The following MCM9 variants were observed in gnomAD, a reference collection of about 807,000 sequenced individuals.
MCM9 encodes the protein minichromosome maintenance 9 homologous recombination repair factor, also known as DNA helicase MCM9.
In MCM9, 55 loss-of-function variants were observed where a neutral mutation model predicts 72.8. The ratio of observed to expected loss-of-function variants is 0.76; its 90% CI spans 0.61 to 0.95. MCM9 has a LOEUF of 0.95. Ranked by LOEUF, MCM9 falls within the 40% of genes least tolerant of loss-of-function variation. MCM9 has a pLI of 0.00. For missense variants in MCM9, 1,279 were observed against 1,377.0 expected, an observed-to-expected ratio of 0.93 and a Z score of 1.13; for synonymous variants, 480 against 503.4, an observed-to-expected ratio of 0.95 and a Z score of 0.62.
intron 8 of MCM9, among the ~76,000 whole-genome samples, chr6:118,871,426 A>G (rs1413996508): frequency 6.6e-6 from 1 of 152,262 alleles, no homozygotes; most frequent in Non-Finnish European, 1.5e-5. Flanking sequence ...AAAAGTAAAC[A>G]TCCTTTCAGG....
At chr6:118,898,425 A>AT (rs34394511) in intron 8 of MCM9, among the ~76,000 whole-genome samples, 3,197 of 140,522 alleles carry the variant, frequency 0.023, 47 homozygotes, top group African/African-American at 0.039. Flanking sequence ...TTATGTAATA[A>AT]TTTTTTTTTT....
At chr6:118,844,025 A>G (rs910531368) in intron 9 of MCM9, among the ~76,000 whole-genome samples, 12 of 151,506 alleles carry the variant, frequency 7.9e-5, no homozygotes, top group Admixed American at 5.3e-4. Flanking sequence ...AAGGATTCCT[A>G]TTGTAGGTGG....
chr6:118,825,269 G>A lies in MCM9; in HGVS notation c.1961+878C>T, dbSNP rs79390119. Among the ~76,000 whole-genome samples, 659 of 152,264 alleles carry A rather than the reference G, an allele frequency of 4.3e-3. 12 individuals are homozygous for A. In the East Asian group the frequency reaches 0.048, roughly 11 times the overall value. On this transcript the variant is annotated intron_variant, in intron 13 of 13. Transcript: ENST00000619706. The stretch of plus-strand genomic sequence containing the variant: ...CCAGGAGACCAAAAGAAAGAGGGGC[G>A]AATTTTATACAAAGTGCAAGTTTAC...
chr6:118,860,350 T>C (rs1426266851), intron 8 of MCM9, among the ~76,000 whole-genome samples: 1 of 152,154 alleles, frequency 6.6e-6, no homozygotes, highest in African/African-American at 2.4e-5. Context: ...AGAATGCCTT[T>C]AATGGGTTTA....
chr6:118,930,249 T>A (rs1200853916), intron 3 of MCM9, among the ~76,000 whole-genome samples: 1 of 152,148 alleles, frequency 6.6e-6, no homozygotes, highest in Admixed American at 6.5e-5. Context: ...TAGCTGGGAC[T>A]ACAGGCGCCC....
intron 6 of MCM9, among the ~76,000 whole-genome samples, chr6:118,916,674 G>T (rs996978988): frequency 1.4e-4 from 22 of 151,936 alleles, no homozygotes; most frequent in Admixed American, 1.3e-3. Context: ...GCTAATTTTT[G>T]TATTTTTAAT....
chr6:118,839,996 T>C (rs1226619878), intron 9 of MCM9, among the ~76,000 whole-genome samples: 1 of 152,092 alleles, frequency 6.6e-6, no homozygotes, highest in Non-Finnish European at 1.5e-5. Context: ...GCAGGAAAGT[T>C]TAAGCCTGCT....
chr6:118,816,252 C>T lies in MCM9; in HGVS notation c.2004G>A (p.Leu668=), dbSNP rs1054026612. The change falls in exon 14 of 14, where the codon TTG becomes TTA. Residue 668 remains leucine, a synonymous_variant. Transcript: ENST00000619706. ...QSVHQSQPRV[L]EVETTPGSLR... ...AGGATCCTGGAGTAGTCTCTACCTCCAATACCCGTGGTTGGGATTGGTGCA... is the reference window on the plus strand; with the variant it reads ...AGGATCCTGGAGTAGTCTCTACCTCTAATACCCGTGGTTGGGATTGGTGCA... The T allele has an allele frequency of 3.2e-6, 5 of 1,549,194 alleles. No individual in the cohort carries two copies. In the Admixed American group the frequency reaches 5.9e-5, roughly 18 times the overall value.
At chr6:118,817,302 C>A (rs748190787) in intron 13 of MCM9, among the ~76,000 whole-genome samples, 63 of 152,016 alleles carry the variant, frequency 4.1e-4, no homozygotes, top group Admixed American at 1.1e-3. Flanking sequence ...CCCCACCCCC[C>A]AAAAGGCCCC....
At chr6:118,894,400 G>GT (rs769955492) in intron 8 of MCM9, 31 of 1,536,790 alleles carry the variant, frequency 2.0e-5, no homozygotes, top group Admixed American at 2.0e-5. Flanking sequence ...CATTGTTTGT[G>GT]TTTTTTTCAA....
chr6:118,872,664 T>TAA (rs201482514), intron 8 of MCM9, among the ~76,000 whole-genome samples: 35 of 149,942 alleles, frequency 2.3e-4, no homozygotes, highest in African/African-American at 8.1e-4. Flanking sequence ...TTTAAAAACC[T>TAA]AAAAAAAAAC....
At chr6:118,907,462 G>T (rs184693166) in intron 8 of MCM9, 1 of 1,612,814 alleles carries the variant, frequency 6.2e-7, no homozygotes, top group Admixed American at 1.7e-5. Context: ...TAATTGGGAA[G>T]ATAACACAGA....
intron 8 of MCM9, among the ~76,000 whole-genome samples, chr6:118,875,034 A>G (rs998716129): frequency 2.6e-5 from 4 of 152,076 alleles, no homozygotes; most frequent in African/African-American, 9.7e-5. Flanking sequence ...AATCGCTTGA[A>G]CCCAGGAGGC....
intron 8 of MCM9, among the ~76,000 whole-genome samples, chr6:118,893,490 C>T (rs1473438293): frequency 1.3e-5 from 2 of 152,084 alleles, no homozygotes; most frequent in African/African-American, 2.4e-5. Context: ...CCGAAGAAGA[C>T]GCCCAGGTGC....
In MCM9 at chr6:118,813,822, A is replaced by G. The variant is rs992519328; in HGVS notation, c.*1002T>C. The G allele has an allele frequency of 2.0e-5, 3 of 152,224 alleles. No homozygotes were observed. Among genetic ancestry groups the G allele is most frequent in the Non-Finnish European group, 2.9e-5 (2 of 68,036 alleles). The allele number at this position is 152,224 out of a possible 1,614,324, so 9.4% of individuals were successfully genotyped here. On this transcript the variant is annotated 3_prime_UTR_variant, in exon 14 of 14. Transcript: ENST00000619706. Reference sequence around the variant, plus strand: ...AGTGAATCACAACTTAGTAGGAATCACATTTCCATATTAACCAGCTGGGTA... The same window carrying G: ...AGTGAATCACAACTTAGTAGGAATCGCATTTCCATATTAACCAGCTGGGTA...
intron 8 of MCM9, chr6:118,907,331 A>G: frequency 1.8e-6 from 2 of 1,099,770 alleles, no homozygotes; most frequent in Admixed American, 4.3e-5. Context: ...CCATTTTATT[A>G]AGCTTCTATT....
intron 11 of MCM9, 42 bp downstream of exon 11, chr6:118,827,885 C>T (rs752211393): frequency 2.3e-4 from 352 of 1,532,252 alleles, no homozygotes; most frequent in Non-Finnish European, 2.8e-4. Flanking sequence ...CTTGCACACA[C>T]GCAGCATTCA....
chr6:118,895,085 C>T (rs1190380209), intron 8 of MCM9, among the ~76,000 whole-genome samples: 2 of 152,086 alleles, frequency 1.3e-5, no homozygotes, highest in East Asian at 3.9e-4. Flanking sequence ...CCGCACTCTC[C>T]GGGCTGGCCA....
chr6:118,836,534 G>T (rs1387510964), intron 9 of MCM9, among the ~76,000 whole-genome samples: 1 of 152,196 alleles, frequency 6.6e-6, no homozygotes, highest in African/African-American at 2.4e-5. Flanking sequence ...CTTGTTATTG[G>T]TCTATTCAGG....
Sources: gnomAD v4.1 joint callset for allele counts (sites outside exome capture counted in the v4.1 genomes callset) on GRCh38, gnomAD v4.1.1 for gene constraint, MANE v1.5 for transcripts, NCBI Gene and HGNC (gene_info 2026-07-23, HGNC 2026-07-21) for gene names.